The following PHACTR1 variants were observed in gnomAD, a reference collection of about 807,000 sequenced individuals.
PHACTR1 encodes the protein RPEL repeat containing 1.
Under a neutral mutation model 69.2 loss-of-function variants are expected in PHACTR1, and 16 were observed. The observed-to-expected ratio is 0.23, with a 90% CI of 0.16 to 0.35. PHACTR1 has a LOEUF of 0.35. Ranked by LOEUF, PHACTR1 falls within the 10% of genes least tolerant of loss-of-function variation. The probability of loss-of-function intolerance (pLI) is 1.00; values close to 1 mark genes in which losing one functional copy is unlikely to be tolerated. For synonymous variants in PHACTR1, 312 were observed against 284.5 expected (o/e 1.10, Z -0.97); for missense variants, 510 against 734.7 (o/e 0.69, Z 3.54).
Position 13,206,148 on chromosome 6 carries a change from C to T in PHACTR1, c.986+12C>T, listed in dbSNP as rs991369801. 1.3e-6 allele frequency: 2 copies of T among 1,559,930 alleles called. No homozygotes were observed. The highest frequency in any genetic ancestry group is 1.8e-5 in the Admixed American group (1 of 54,422). On this transcript the variant is annotated intron_variant, in intron 8 of 14. Transcript: ENST00000332995. ...CAGAGGCTGGAAAGGTAAAGGTGGG[C>T]ACCAGGAGGGAGGACGGGAGGAGAG...
chr6:13,042,785 C>G (rs1804387083), intron 4 of PHACTR1, among the ~76,000 whole-genome samples: 1 of 152,078 alleles, frequency 6.6e-6, no homozygotes, highest in African/African-American at 2.4e-5. Context: ...TTAGCTGAGC[C>G]CATGTTCTGT....
intron 9 of PHACTR1, among the ~76,000 whole-genome samples, chr6:13,229,416 C>G (rs765288541): frequency 6.6e-6 from 1 of 152,124 alleles, no homozygotes; most frequent in Non-Finnish European, 1.5e-5. Flanking sequence ...CTCAGCTGCT[C>G]AGAAATGCTG....
chr6:12,834,909 G>A (rs58640099), intron 4 of PHACTR1, among the ~76,000 whole-genome samples: 52,150 of 151,930 alleles, frequency 0.34, 11,071 homozygotes, highest in East Asian at 0.47. Flanking sequence ...TATCAGTGGT[G>A]GAAGCATCTG....
chr6:13,083,968 A>C (rs1298205336), intron 5 of PHACTR1, among the ~76,000 whole-genome samples: 1 of 152,094 alleles, frequency 6.6e-6, no homozygotes, highest in Non-Finnish European at 1.5e-5. Flanking sequence ...CCTGGCCAGA[A>C]CTAGAAATAC....
chr6:13,089,765 A>G (rs1475054133), intron 5 of PHACTR1, among the ~76,000 whole-genome samples: 3 of 152,180 alleles, frequency 2.0e-5, no homozygotes, highest in African/African-American at 7.2e-5. Context: ...GAATGGGCTG[A>G]CACATTTATG....
intron 3 of PHACTR1, among the ~76,000 whole-genome samples, chr6:12,737,398 TACACAC>T (rs3071780): frequency 9.4e-5 from 14 of 149,378 alleles, no homozygotes; most frequent in Admixed American, 1.3e-4. Context: ...TATTGTTTTA[TACACAC>T]ACACACACAC....
intron 5 of PHACTR1, among the ~76,000 whole-genome samples, chr6:13,098,070 G>A (rs62389460): frequency 0.09 from 13,732 of 152,034 alleles, 759 homozygotes; most frequent in Middle Eastern, 0.16. Context: ...CCTCTACTCA[G>A]TCAAGCATAC....
intron 4 of PHACTR1, among the ~76,000 whole-genome samples, chr6:12,959,176 CAAAAAAAAAA>C (rs70989814): frequency 6.5e-5 from 3 of 46,258 alleles, no homozygotes; most frequent in Non-Finnish European, 1.2e-4. Flanking sequence ...GACTTTATCT[CAAAAAAAAAA>C]AAAAAAAAAG....
At chr6:12,732,134 A>G (rs1763617490) in intron 3 of PHACTR1, among the ~76,000 whole-genome samples, 1 of 152,142 alleles carries the variant, frequency 6.6e-6, no homozygotes, top group African/African-American at 2.4e-5. Flanking sequence ...TACGATACAC[A>G]TAACTTGTTT....
intron 4 of PHACTR1, among the ~76,000 whole-genome samples, chr6:13,043,674 G>A (rs942317715): frequency 6.6e-6 from 1 of 152,198 alleles, no homozygotes; most frequent in Non-Finnish European, 1.5e-5. Flanking sequence ...TTACTATTTG[G>A]CTTAACAGAA....
At chr6:13,129,262 G>A (rs962332877) in intron 5 of PHACTR1, among the ~76,000 whole-genome samples, 1 of 151,980 alleles carries the variant, frequency 6.6e-6, no homozygotes, top group African/African-American at 2.4e-5. Flanking sequence ...AAAACACGAG[G>A]TATTAAGGCA....
intron 6 of PHACTR1, among the ~76,000 whole-genome samples, chr6:13,180,926 T>C (rs1762095146): frequency 6.6e-6 from 1 of 152,110 alleles, no homozygotes; most frequent in Non-Finnish European, 1.5e-5. Flanking sequence ...TTAGTAATCA[T>C]CATATTATTG....
At chr6:13,190,196 G>GTTTTTTTTTTTTTTTTTTTT (rs1220683843) in intron 7 of PHACTR1, among the ~76,000 whole-genome samples, 10 of 31,746 alleles carry the variant, frequency 3.2e-4, no homozygotes, top group Non-Finnish European at 3.9e-4. Context: ...GCTAATTTTT[G>GTTTTTTTTTTTTTTTTTTTT]TATTTTTTTT....
intron 4 of PHACTR1, among the ~76,000 whole-genome samples, chr6:12,922,796 A>T (rs535359218): frequency 3.7e-4 from 56 of 152,302 alleles, no homozygotes; most frequent in Non-Finnish European, 3.8e-4. Flanking sequence ...AATTATCTGC[A>T]GCTCTGAAGA....
At position 12,830,089 on chromosome 6, in the gene PHACTR1, GAGGGAAAGAAAGAAAGAAAGAAAGAAA is replaced by G. The variant is rs1561923560; in HGVS notation, c.250+80300_250+80326del. The stretch of plus-strand genomic sequence containing the variant: ...GAAAAGAAAGAAGGAAGGAAGGAAG[GAGGGAAAGAAAGAAAGAAAGAAAGAAA>G]GAAAGAAAGAAAGAAAGAAAGAAAG... On this transcript the variant is annotated intron_variant, in intron 4 of 14. Transcript: ENST00000332995. 6.6e-5 allele frequency among the ~76,000 whole-genome samples: 8 copies of G among 121,696 alleles called. No homozygotes were observed. In the East Asian group the frequency reaches 1.0e-3, roughly 16 times the overall value. The allele number at this position is 121,696 out of a possible 152,430, so 79.8% of individuals were successfully genotyped here. A position where few individuals can be genotyped will look rare whatever the true frequency, so the allele number is the denominator to read the frequency against.
At chr6:12,805,550 G>T (rs1474792557) in intron 4 of PHACTR1, among the ~76,000 whole-genome samples, 1 of 151,844 alleles carries the variant, frequency 6.6e-6, no homozygotes, top group Non-Finnish European at 1.5e-5. Context: ...CCTACTAATT[G>T]TCAACTTGAA....
At chr6:13,188,045 C>T (rs1241908997) in intron 7 of PHACTR1, among the ~76,000 whole-genome samples, 1 of 152,138 alleles carries the variant, frequency 6.6e-6, no homozygotes, top group African/African-American at 2.4e-5. Context: ...TCAATTGGCC[C>T]CATCTCTCTG....
intron 5 of PHACTR1, among the ~76,000 whole-genome samples, chr6:13,069,423 T>C (rs1809175350): frequency 6.6e-6 from 1 of 152,170 alleles, no homozygotes; most frequent in African/African-American, 2.4e-5. Flanking sequence ...CCACCAGGTC[T>C]AGTGCCTCTG....
At chr6:12,784,166 A>T (rs1395001959) in intron 4 of PHACTR1, among the ~76,000 whole-genome samples, 2 of 151,998 alleles carry the variant, frequency 1.3e-5, no homozygotes, top group African/African-American at 2.4e-5. Context: ...CATATACTTG[A>T]TGAATATACA....
Sources: gnomAD v4.1 joint callset for allele counts (sites outside exome capture counted in the v4.1 genomes callset) on GRCh38, gnomAD v4.1.1 for gene constraint, MANE v1.5 for transcripts, NCBI Gene and HGNC (gene_info 2026-07-23, HGNC 2026-07-21) for gene names.